The following IRAG2 variants were observed in gnomAD, a reference collection of about 807,000 sequenced individuals.
IRAG2 encodes the protein lymphoid restricted membrane protein.
A neutral mutation model predicts 69.9 loss-of-function variants in IRAG2; 45 were observed. That is an observed-to-expected ratio of 0.64 (90% CI 0.51 to 0.83). IRAG2 has a LOEUF of 0.83. IRAG2 is among the 40% of genes least tolerant of loss of function. IRAG2 has a pLI of 0.00. For missense variants in IRAG2, 520 were observed against 587.0 expected (o/e 0.89, Z 1.18); for synonymous variants, 193 against 202.4 (o/e 0.95, Z 0.40).
intron 14 of IRAG2, among the ~76,000 whole-genome samples, chr12:25,091,912 GA>G (rs1236851395): frequency 2.6e-5 from 4 of 152,042 alleles, no homozygotes; most frequent in African/African-American, 9.7e-5. Context: ...ATCATCTTTG[GA>G]AAAATGTCTA....
intron 6 of IRAG2, among the ~76,000 whole-genome samples, chr12:25,072,007 C>T (rs1337337742): frequency 6.6e-6 from 1 of 152,010 alleles, no homozygotes; most frequent in African/African-American, 2.4e-5. Flanking sequence ...AGTTTGAGAC[C>T]AGCCTGGCCA....
chr12:25,104,565 A>C, intron 20 of IRAG2, 103 bp downstream of exon 20: 2 of 707,338 alleles, frequency 2.8e-6, no homozygotes, highest in Non-Finnish European at 5.1e-6. Flanking sequence ...TATAATTAAA[A>C]AGATAATTCA....
At chr12:25,002,556 G>A (rs1944398796), upstream of IRAG2, among the ~76,000 whole-genome samples, 1 of 152,038 alleles carries the variant, frequency 6.6e-6, no homozygotes, top group Admixed American at 6.6e-5. Flanking sequence ...AAAGAATGGA[G>A]TCCCATGATT....
At chr12:25,013,886 TTTTTTTG>T in intron 3 of IRAG2, among the ~76,000 whole-genome samples, 1 of 135,700 alleles carries the variant, frequency 7.4e-6, no homozygotes, top group African/African-American at 2.7e-5. Flanking sequence ...TTTTTTTTTT[TTTTTTTG>T]AGACAGAGTC....
chr12:25,073,665 C>A (rs1172592133), intron 6 of IRAG2, among the ~76,000 whole-genome samples: 1 of 152,234 alleles, frequency 6.6e-6, no homozygotes, highest in South Asian at 2.1e-4. Context: ...TAATTTGGAG[C>A]CCTGTTTGGG....
At chr12:25,003,443 T>A (rs1173909725), upstream of IRAG2, among the ~76,000 whole-genome samples, 1 of 151,946 alleles carries the variant, frequency 6.6e-6, no homozygotes, top group Non-Finnish European at 1.5e-5. Flanking sequence ...CCTCCCATAC[T>A]CAAGTGACCC....
At chr12:25,078,767 C>T (rs1203105276) in intron 6 of IRAG2, among the ~76,000 whole-genome samples, 1 of 152,128 alleles carries the variant, frequency 6.6e-6, no homozygotes, top group East Asian at 1.9e-4. Flanking sequence ...AGATGTAATC[C>T]TTCAGATCTC....
chr12:25,100,972 C>A, intron 15 of IRAG2: 1 of 414,228 alleles, frequency 2.4e-6, no homozygotes, highest in African/African-American at 2.1e-5. Flanking sequence ...AGTCATTTGC[C>A]ACTAGTCCTT....
upstream of IRAG2, among the ~76,000 whole-genome samples, chr12:25,050,875 A>G (rs1944853020): frequency 6.6e-6 from 1 of 150,754 alleles, no homozygotes; most frequent in African/African-American, 2.4e-5. Flanking sequence ...TAAGTGAGTC[A>G]CAGAACAACA....
chr12:25,083,171 T>C (rs1947339363), intron 9 of IRAG2, among the ~76,000 whole-genome samples: 1 of 152,210 alleles, frequency 6.6e-6, no homozygotes, highest in Admixed American at 6.5e-5. Flanking sequence ...AAAAAATGAT[T>C]TTTAAAAAAT....
chr12:25,034,946 CT>C (rs765141185), intron 13 of IRAG2, among the ~76,000 whole-genome samples: 1 of 152,300 alleles, frequency 6.6e-6, no homozygotes, highest in Admixed American at 6.5e-5. Flanking sequence ...AACTGCCAGA[CT>C]GAATGAAACT....
At chr12:25,005,221 C>A in intron 1 of IRAG2, 1 of 1,137,914 alleles carries the variant, frequency 8.8e-7, no homozygotes. Flanking sequence ...TCAGGATTTA[C>A]AAACTTTTTC....
chr12:25,023,817 T>C, intron 7 of IRAG2: 2 of 926,352 alleles, frequency 2.2e-6, no homozygotes, highest in Non-Finnish European at 2.8e-6. Flanking sequence ...AAATATGTGG[T>C]ATTTTCATAA....
chr12:25,091,390 G>A (rs1948048824), intron 14 of IRAG2, among the ~76,000 whole-genome samples: 1 of 152,134 alleles, frequency 6.6e-6, no homozygotes, highest in Admixed American at 6.5e-5. Flanking sequence ...TTAGCATAAT[G>A]TCTTCAAGGC....
At chr12:25,009,229 C>T (rs545357406) in intron 2 of IRAG2, among the ~76,000 whole-genome samples, 20 of 152,212 alleles carry the variant, frequency 1.3e-4, no homozygotes, top group African/African-American at 4.8e-4. Context: ...TGCCTTGAGC[C>T]AAGGAGGCTG....
upstream of IRAG2, among the ~76,000 whole-genome samples, chr12:25,050,399 C>A (rs986068938): frequency 1.3e-5 from 2 of 149,876 alleles, no homozygotes; most frequent in African/African-American, 2.5e-5. Context: ...CATGGTGGTG[C>A]GTGCCTGTAG....
chr12:25,023,206 A>G (rs11610797), intron 7 of IRAG2, among the ~76,000 whole-genome samples: 11,410 of 151,772 alleles, frequency 0.075, 571 homozygotes, highest in African/African-American at 0.15. Context: ...GATGGGGAGC[A>G]GGTGTTTATT....
rs777581951 is a variant in IRAG2, at chr12:25,101,294, T to C, written c.858T>C (p.Asn286=). 6.2e-7 allele frequency: 1 copy of C among 1,608,230 alleles called. No homozygotes were observed. Among genetic ancestry groups the C allele is most frequent in the Non-Finnish European group, 8.5e-7 (1 of 1,176,830 alleles). ...AACTGAAACAGGTTCTTCTGCAGAATGAAAGGTCTTTCAATCCTCTTGAAG... is the reference window on the plus strand; with the variant it reads ...AACTGAAACAGGTTCTTCTGCAGAACGAAAGGTCTTTCAATCCTCTTGAAG... ...LEELKQVLLQ[N]ERSFNPLEDD... The change falls in exon 16 of 22, where the codon AAT becomes AAC. Residue 286 remains asparagine (N), a synonymous_variant. Transcript: ENST00000556887.
intron 20 of IRAG2, among the ~76,000 whole-genome samples, chr12:25,104,874 CATCTATCT>C (rs72209856): frequency 6.6e-6 from 1 of 151,734 alleles, no homozygotes; most frequent in Non-Finnish European, 1.5e-5. Context: ...CATGTATGTA[CATCTATCT>C]ATCTTCCATT....
Sources: allele counts gnomAD v4.1 joint callset (sites outside exome capture counted in the v4.1 genomes callset), GRCh38; gene constraint gnomAD v4.1.1; transcripts MANE v1.5; gene names NCBI Gene and HGNC (gene_info 2026-07-23, HGNC 2026-07-21).